Variants in HTR3B observed in about 807,000 individuals in gnomAD.
The protein encoded by HTR3B is 5-hydroxytryptamine (serotonin) receptor 3B, ionotropic.
A neutral mutation model predicts 42.8 loss-of-function variants in HTR3B; 44 were observed. The observed-to-expected ratio is 1.03, with a 90% CI of 0.81 to 1.32. The LOEUF is 1.32. HTR3B is among the 40% of genes most tolerant of loss of function. The pLI, the probability that HTR3B is intolerant of heterozygous loss-of-function variation, is 0.00. For synonymous variants in HTR3B, 203 were observed against 209.0 expected (o/e 0.97, Z 0.25); for missense variants, 527 against 536.5 (o/e 0.98, Z 0.17).
At position 113,933,041 on chromosome 11, in the gene HTR3B, C is replaced by A. The variant is rs779466503; in HGVS notation, c.644C>A (p.Thr215Lys). 6.2e-7 allele frequency: 1 copy of A among 1,614,174 alleles called. No individual in the cohort carries two copies. Among genetic ancestry groups the A allele is most frequent in the Non-Finnish European group, 8.5e-7 (1 of 1,180,004 alleles). Reference sequence around the variant, plus strand: ...TGGGAACTTCTATCTGTGTCCTCCACATACAGCATCCTGCAGAGCAGCGCT... The same window carrying A: ...TGGGAACTTCTATCTGTGTCCTCCAAATACAGCATCCTGCAGAGCAGCGCT... ...SEWELLSVSS[T>K]YSILQSSAGG... Residue 215 changes from threonine (T) to lysine (K), a missense_variant, in exon 6 of 9, where the codon ACA (threonine) becomes AAA (lysine). Thr to Lys is a moderately conservative substitution (Grantham distance 78, BLOSUM62 -1). Coordinates refer to ENST00000260191, the MANE Select transcript of HTR3B (RefSeq NM_006028.5).
chr11:113,922,506 T>C (rs1012481005), intron 2 of HTR3B, among the ~76,000 whole-genome samples: 5 of 152,296 alleles, frequency 3.3e-5, no homozygotes, highest in East Asian at 1.9e-4. Flanking sequence ...AGTGCTGGGA[T>C]TACAGGCATG....
chr11:113,929,872 A>G (rs1161997219), intron 2 of HTR3B, among the ~76,000 whole-genome samples: 1 of 152,100 alleles, frequency 6.6e-6, no homozygotes, highest in Non-Finnish European at 1.5e-5. Context: ...AGCTGGGACT[A>G]CAGGCGCCCA....
intron 2 of HTR3B, among the ~76,000 whole-genome samples, chr11:113,926,452 C>G (rs893079751): frequency 6.8e-6 from 1 of 148,006 alleles, no homozygotes; most frequent in Non-Finnish European, 1.5e-5. Context: ...GACTGCTTTT[C>G]CTTTCCTTTC....
intron 2 of HTR3B, among the ~76,000 whole-genome samples, chr11:113,910,503 C>T (rs576983381): frequency 1.3e-5 from 2 of 151,232 alleles, no homozygotes; most frequent in South Asian, 2.1e-4. Flanking sequence ...TCCAATGGCA[C>T]GATCTCGGCT....
rs1950196132 is a variant in HTR3B at position 113,948,564 on chromosome 11, A to G, written c.*2427A>G. On this transcript the variant is annotated 3_prime_UTR_variant, in exon 9 of 9. Coordinates refer to ENST00000260191, the MANE Select transcript of HTR3B (RefSeq NM_006028.5). ...TCAAAATGAAAAAATGTATTGAACA[A>G]TGCTTTGAAAAGTAAATAATGGGGC... is the stretch of plus-strand genomic sequence containing the variant. 6.6e-6 allele frequency among the ~76,000 whole-genome samples: 1 copy of G among 152,224 alleles called. No individual in the cohort carries two copies. Among genetic ancestry groups the G allele is most frequent in the Non-Finnish European group, 1.5e-5 (1 of 68,034 alleles).
At position 113,904,964 on chromosome 11, in the gene HTR3B, G is replaced by A. The variant is rs770286724; in HGVS notation, c.31G>A (p.Ala11Thr). ...GTCAAGTGTAATGGCTCCCCTGTGG[G>A]CCTGCATCCTGGTGGCTGCAGGTGA... Reference protein sequence around the residue: MLSSVMAPLWACILVAAGILA... With the variant: MLSSVMAPLWTCILVAAGILA... Residue 11 changes from alanine to threonine, a missense_variant, in exon 1 of 9, where the codon GCC (alanine) becomes ACC (threonine). By Grantham distance (58) the Ala-to-Thr change is moderately conservative. Coordinates refer to ENST00000260191, the MANE Select transcript of HTR3B (RefSeq NM_006028.5). 23 of 1,613,522 alleles carry A rather than the reference G, an allele frequency of 1.4e-5. No homozygotes were observed. Among genetic ancestry groups the A allele is most frequent in the Middle Eastern group, 1.6e-4 (1 of 6,062 alleles).
At chr11:113,928,479 T>G (rs555086863) in intron 2 of HTR3B, among the ~76,000 whole-genome samples, 1 of 152,328 alleles carries the variant, frequency 6.6e-6, no homozygotes, top group African/African-American at 2.4e-5. Flanking sequence ...GTGACTGGCT[T>G]ATTTCACTTC....
chr11:113,935,346 C>G (rs1317327442), intron 6 of HTR3B, among the ~76,000 whole-genome samples: 5 of 150,246 alleles, frequency 3.3e-5, no homozygotes, highest in Non-Finnish European at 1.5e-5. Flanking sequence ...GCTCTTGGAA[C>G]TTTTCCATGG....
chr11:113,913,276 A>G (rs1591571793), intron 2 of HTR3B, among the ~76,000 whole-genome samples: 1 of 142,952 alleles, frequency 7.0e-6, no homozygotes, highest in South Asian at 2.2e-4. Context: ...CGCCGCCTCC[A>G]GGGTTCAAGT....
At chr11:113,931,717 G>A in intron 3 of HTR3B, 41 bp from the exon 4 acceptor site, 1 of 1,110,470 alleles carries the variant, frequency 9.0e-7, no homozygotes, top group Non-Finnish European at 1.4e-6. Flanking sequence ...AGTAGATATT[G>A]CCCCATTTTG....
Position 113,931,773 on chromosome 11 carries a change from T to C in HTR3B, c.274T>C (p.Phe92Leu), listed in dbSNP as rs1950036693. 6.2e-7 allele frequency: 1 copy of C among 1,609,974 alleles called. No individual in the cohort carries two copies. The highest frequency in any genetic ancestry group is 8.5e-7 in the Non-Finnish European group (1 of 1,176,256). ...CTACTAACAGGTCTGGAATGATGAATTTTTATCCTGGAACTCCAGCATGTT... is the reference window on the plus strand; with the variant it reads ...CTACTAACAGGTCTGGAATGATGAACTTTTATCCTGGAACTCCAGCATGTT... ...VWYQEVWNDEFLSWNSSMFDE... is the reference protein window; with the variant it reads ...VWYQEVWNDELLSWNSSMFDE... Residue 92 changes from phenylalanine (F) to leucine (L), a missense_variant, in exon 4 of 9, where the codon TTT becomes CTT. Phe to Leu is a conservative substitution (Grantham distance 22, BLOSUM62 0). Transcript: ENST00000260191.
At chr11:113,925,842 A>C (rs1949965351) in intron 2 of HTR3B, among the ~76,000 whole-genome samples, 1 of 152,168 alleles carries the variant, frequency 6.6e-6, no homozygotes. Flanking sequence ...TTTCTTTATT[A>C]ATACATTTTT....
Position 113,909,309 on chromosome 11 carries a change from G to T in HTR3B, c.67G>T (p.Asp23Tyr), listed in dbSNP as rs771968153. ...ILVAAGILAT[D>Y]THHPQDSALY... ...TTATTTTCCAGGAATTCTAGCCACA[G>T]ATACACATCATCCCCAGGATTCTGC... Residue 23 changes from aspartate (D) to tyrosine (Y), a missense_variant, in exon 2 of 9, where the codon GAT becomes TAT. Coordinates refer to ENST00000260191, the MANE Select transcript of HTR3B (RefSeq NM_006028.5). 4 of 1,612,736 alleles carry T rather than the reference G, an allele frequency of 2.5e-6. No homozygotes were observed. The Admixed American group carries it at 6.7e-5, about 27-fold the overall frequency.
At chr11:113,902,848 A>G (rs1949704896), upstream of HTR3B, among the ~76,000 whole-genome samples, 1 of 152,058 alleles carries the variant, frequency 6.6e-6, no homozygotes, top group South Asian at 2.1e-4. Context: ...CTTAACTTTT[A>G]TAACCTTGGC....
chr11:113,929,785 T>G (rs540972564), intron 2 of HTR3B, among the ~76,000 whole-genome samples: 83 of 152,296 alleles, frequency 5.4e-4, no homozygotes, highest in Non-Finnish European at 1.0e-3. Flanking sequence ...CAGGCTGGAG[T>G]GCAGTAGCAG....
chr11:113,931,404 A>G lies in HTR3B; in HGVS notation c.234A>G (p.Leu78=). ...ILDVDAENQI[L]KTSVWYQEVW... ...TGCAGGATGCAGAGAATCAAATATT[A>G]AAGACAAGTGTATGGTACCAAGAGG... The change falls in exon 3 of 9, where the codon TTA becomes TTG. Residue 78 remains leucine, a synonymous_variant. Transcript: ENST00000260191. 6.2e-7 allele frequency: 1 copy of G among 1,602,182 alleles called. No individual in the cohort carries two copies. Among genetic ancestry groups the G allele is most frequent in the Admixed American group, 1.7e-5 (1 of 58,072 alleles).
At chr11:113,909,166 T>A (rs554261608) in intron 1 of HTR3B, 129 bp from the exon 2 acceptor site, 2 of 729,646 alleles carry the variant, frequency 2.7e-6, no homozygotes, top group South Asian at 1.5e-5. Context: ...TGGCTGTGAA[T>A]TGATGCAGAT....
At chr11:113,930,487 CTTTTTTTTT>C (rs528919776) in intron 2 of HTR3B, among the ~76,000 whole-genome samples, 1 of 121,940 alleles carries the variant, frequency 8.2e-6, no homozygotes, top group Admixed American at 8.3e-5. Flanking sequence ...TTTCTTTTCT[CTTTTTTTTT>C]TTTTTTTTTT....
chr11:113,929,214 A>G (rs1485491962), intron 2 of HTR3B, among the ~76,000 whole-genome samples: 2 of 152,230 alleles, frequency 1.3e-5, no homozygotes, highest in Admixed American at 6.5e-5. Context: ...CGCCATTCTA[A>G]TGAGTGTGAG....
Sources: gnomAD v4.1 joint callset for allele counts (sites outside exome capture counted in the v4.1 genomes callset) on GRCh38, gnomAD v4.1.1 for gene constraint, MANE v1.5 for transcripts, NCBI Gene and HGNC (gene_info 2026-07-23, HGNC 2026-07-21) for gene names.